The following PROSER2 variants were observed in gnomAD, a reference collection of about 807,000 sequenced individuals.
The protein encoded by PROSER2 is proline and serine rich 2, also known as proline and serine-rich protein 2.
A neutral mutation model predicts 14.6 loss-of-function variants in PROSER2; 18 were observed. The ratio of observed to expected loss-of-function variants is 1.23; its 90% CI spans 0.85 to 1.83. PROSER2 has a LOEUF of 1.83. Ranked by LOEUF, PROSER2 falls within the 40% of genes most tolerant of loss-of-function variation. PROSER2 has a pLI of 0.00. For synonymous variants in PROSER2, 367 were observed against 286.4 expected (o/e 1.28, Z -2.84); for missense variants, 823 against 629.8 (o/e 1.31, Z -3.28).
intron 3 of PROSER2, among the ~76,000 whole-genome samples, chr10:11,868,634 TTTTG>T (rs1213686708): frequency 7.2e-6 from 1 of 139,370 alleles, no homozygotes; most frequent in African/African-American, 3.1e-5. Flanking sequence ...ATTTCAGGTT[TTTTG>T]TTTTTTGTTT....
rs1834211434 is a variant in PROSER2 at position 11,860,310 on chromosome 10, C to G, written c.139-6221C>G. On this transcript the variant is annotated intron_variant, in intron 2 of 3. Transcript: ENST00000277570. ...CAGGACCTGGGAAGCTGCTCACCAA[C>G]TGGCTCGGTGAAAATGGATTTTTGG... 2.0e-5 allele frequency among the ~76,000 whole-genome samples: 3 copies of G among 152,190 alleles called. No homozygotes were observed. The South Asian group carries it at 6.2e-4, about 32-fold the overall frequency.
Position 11,869,956 on chromosome 10 carries a change from G to A in PROSER2, c.858G>A (p.Leu286=), listed in dbSNP as rs1487813115. Residue 286 remains leucine (L), a synonymous_variant, in exon 4 of 4, where the codon TTG becomes TTA. Coordinates refer to ENST00000277570, the MANE Select transcript of PROSER2 (RefSeq NM_153256.4). The surrounding 1 kb of genome is among the most constrained non-coding windows in gnomAD (Gnocchi z 4.4). ...TGCAGGAGCGCAGGGCGCAGGTGTT[G>A]GCCACCATCCACGGCCACGCCGGCG... is the stretch of plus-strand genomic sequence containing the variant. ...VSVQERRAQV[L]ATIHGHAGAF... is the part of the protein sequence containing the mutation. 4.8e-6 allele frequency: 7 copies of A among 1,447,646 alleles called. No individual in the cohort carries two copies. The highest frequency in any genetic ancestry group is 2.4e-4 in the Middle Eastern group (1 of 4,118). 89.7% of individuals were successfully genotyped at this position (1,447,646 alleles called of 1,614,324 possible). A position where few individuals can be genotyped will look rare whatever the true frequency, so the allele number is the denominator to read the frequency against.
At chr10:11,863,848 A>G (rs576299686) in intron 2 of PROSER2, among the ~76,000 whole-genome samples, 4 of 152,210 alleles carry the variant, frequency 2.6e-5, no homozygotes, top group Admixed American at 6.5e-5. Context: ...TTTCTCTCAC[A>G]TTAGTTTTTC....
chr10:11,826,897 T>TC (rs1554765426), intron 1 of PROSER2, among the ~76,000 whole-genome samples: 2,239 of 134,716 alleles, frequency 0.017, 45 homozygotes, highest in African/African-American at 0.029. Flanking sequence ...TTTTTTTTTT[T>TC]CCTCTGACAT....
chr10:11,843,181 C>A (rs1218852990), intron 1 of PROSER2, among the ~76,000 whole-genome samples: 2 of 148,620 alleles, frequency 1.3e-5, no homozygotes, highest in Non-Finnish European at 3.0e-5. Context: ...ACCTCGTGAT[C>A]CGCCCACCTC....
chr10:11,843,218 G>A (rs1305928293), intron 1 of PROSER2, among the ~76,000 whole-genome samples: 2 of 150,164 alleles, frequency 1.3e-5, no homozygotes, highest in African/African-American at 4.9e-5. Context: ...GGGATTACAG[G>A]TGCGAGCCAC....
chr10:11,842,309 A>G (rs180821985), intron 1 of PROSER2, among the ~76,000 whole-genome samples: 2 of 149,758 alleles, frequency 1.3e-5, no homozygotes, highest in East Asian at 3.9e-4. Flanking sequence ...TTACATTTTT[A>G]TCATAATTTG....
intron 2 of PROSER2, among the ~76,000 whole-genome samples, chr10:11,859,874 GC>G (rs747167594): frequency 7.9e-5 from 12 of 152,214 alleles, no homozygotes; most frequent in Non-Finnish European, 1.8e-4. Flanking sequence ...TGCAGTCACT[GC>G]CCATCCCTGC....
rs1833781560 is a variant in PROSER2 at position 11,837,764 on chromosome 10, A to G, written c.-81-14233A>G. The stretch of plus-strand genomic sequence containing the variant: ...TCACATTTCCTCGGTGCAAAACCTA[A>G]TAGTAGAATGTGAGAAACTTCATAT... On this transcript the variant is annotated intron_variant, in intron 1 of 3. Transcript: ENST00000277570. The surrounding 1 kb of genome is among the most constrained non-coding windows in gnomAD (Gnocchi z 4.6). 6.6e-6 allele frequency among the ~76,000 whole-genome samples: 1 copy of G among 152,210 alleles called. No individual in the cohort carries two copies. The highest frequency in any genetic ancestry group is 2.4e-5 in the African/African-American group (1 of 41,440).
At position 11,870,462 on chromosome 10, in the gene PROSER2, A is replaced by C; in HGVS notation, c.*56A>C. ...CTCCCCACCCTGAAGAGAGGGTGAAAGAGTCGCTGCACCCAGGAGCTGTTT... is the reference window on the plus strand; with the variant it reads ...CTCCCCACCCTGAAGAGAGGGTGAACGAGTCGCTGCACCCAGGAGCTGTTT... On this transcript the variant is annotated 3_prime_UTR_variant, in exon 4 of 4. Coordinates refer to ENST00000277570, the MANE Select transcript of PROSER2 (RefSeq NM_153256.4). The C allele has an allele frequency of 1.5e-6, 2 of 1,323,646 alleles. No homozygotes were observed. The highest frequency in any genetic ancestry group is 6.2e-5 in the East Asian group (2 of 32,398). 82.0% of individuals were successfully genotyped at this position (1,323,646 alleles called of 1,614,324 possible).
At chr10:11,852,693 T>C (rs1834047321) in intron 2 of PROSER2, among the ~76,000 whole-genome samples, 2 of 149,568 alleles carry the variant, frequency 1.3e-5, no homozygotes, top group African/African-American at 2.5e-5. Context: ...TATTTTTTTT[T>C]TTTTTTTTTT....
chr10:11,831,856 T>C (rs565710738), intron 1 of PROSER2: 13 of 152,336 alleles, frequency 8.5e-5, no homozygotes, highest in African/African-American at 2.9e-4. Context: ...TTGCTTTAAG[T>C]GTGGGCGAAA....
intron 3 of PROSER2, among the ~76,000 whole-genome samples, chr10:11,868,298 C>G (rs916036643): frequency 1.3e-5 from 2 of 152,224 alleles, no homozygotes; most frequent in African/African-American, 4.8e-5. Flanking sequence ...TTTTCTGAGA[C>G]AGGAACTCTC....
Position 11,869,584 on chromosome 10 carries a change from A to G in PROSER2, c.486A>G (p.Pro162=). 6.3e-7 allele frequency: 1 copy of G among 1,596,192 alleles called. No individual in the cohort carries two copies. The change falls in exon 4 of 4, where the codon CCA becomes CCG. Residue 162 remains proline (P), a synonymous_variant. Coordinates refer to ENST00000277570, the MANE Select transcript of PROSER2 (RefSeq NM_153256.4). The surrounding 1 kb of genome is among the most constrained non-coding windows in gnomAD (Gnocchi z 4.4). ...CTCCCGAGACCCTTCTTGCGCCACC[A>G]CCCCTGCCTAGCACCCCCGATCCCC... is the stretch of plus-strand genomic sequence containing the variant. ...PPAPETLLAP[P]PLPSTPDPPR... is the part of the protein sequence containing the mutation.
rs1833782582 is a variant in PROSER2 at position 11,837,834 on chromosome 10, C to A, written c.-81-14163C>A. On this transcript the variant is annotated intron_variant, in intron 1 of 3. Transcript: ENST00000277570. The surrounding 1 kb of genome is among the most constrained non-coding windows in gnomAD (Gnocchi z 4.6). ...TCTTCAGTAAAGTGCGTTGGGTTAACCGTTCCCTGGTTAGTTTTGAGCTGA... is the reference window on the plus strand; with the variant it reads ...TCTTCAGTAAAGTGCGTTGGGTTAAACGTTCCCTGGTTAGTTTTGAGCTGA... Among the ~76,000 whole-genome samples the A allele has an allele frequency of 6.7e-6, 1 of 149,210 alleles. No homozygotes were observed. Among genetic ancestry groups the A allele is most frequent in the Non-Finnish European group, 1.5e-5 (1 of 68,020 alleles).
At chr10:11,844,941 C>G (rs1057067064) in intron 1 of PROSER2, among the ~76,000 whole-genome samples, 1 of 152,202 alleles carries the variant, frequency 6.6e-6, no homozygotes, top group Non-Finnish European at 1.5e-5. Context: ...CTTTATACAG[C>G]TGATTAGTAT....
chr10:11,845,714 C>T (rs745964226), intron 1 of PROSER2, among the ~76,000 whole-genome samples: 4 of 152,094 alleles, frequency 2.6e-5, no homozygotes, highest in Non-Finnish European at 5.9e-5. Context: ...CTGGGGTCCT[C>T]GGCGGGACCC....
chr10:11,843,030 T>C (rs532215986), intron 1 of PROSER2, among the ~76,000 whole-genome samples: 1 of 141,208 alleles, frequency 7.1e-6, no homozygotes, highest in Non-Finnish European at 1.5e-5. Context: ...AAGTTCCGCC[T>C]CCTGGGTTTA....
In PROSER2 at chr10:11,866,413, G is replaced by A. The variant is rs147859532; in HGVS notation, c.139-118G>A. On this transcript the variant is annotated intron_variant, in intron 2 of 3. Coordinates refer to ENST00000277570, the MANE Select transcript of PROSER2 (RefSeq NM_153256.4). This position sits in a 1 kb window ranked among gnomAD's most constrained non-coding sequence, Gnocchi z 6.0. ...AGGCACTGTGTGGCAGGGTACTCTC[G>A]GGACACAGTGAGTTCCGCCCTGGGC... is the stretch of plus-strand genomic sequence containing the variant. 468 of 1,241,816 alleles carry A rather than the reference G, an allele frequency of 3.8e-4. 1 individual carries two copies. The African/African-American group carries it at 6.3e-3, about 17-fold the overall frequency. The allele number at this position is 1,241,816 out of a possible 1,614,324, so 76.9% of individuals were successfully genotyped here.
Sources: gnomAD v4.1 joint callset for allele counts (sites outside exome capture counted in the v4.1 genomes callset) on GRCh38, gnomAD v4.1.1 for gene constraint, Gnocchi (gnomAD v3.1) non-coding constraint, MANE v1.5 for transcripts, NCBI Gene and HGNC (gene_info 2026-07-23, HGNC 2026-07-21) for gene names.